The following ULK4 variants were observed in gnomAD, a reference collection of about 807,000 sequenced individuals.
ULK4 encodes inactive serine/threonine-protein kinase ULK4.
A neutral mutation model predicts 160.6 loss-of-function variants in ULK4; 133 were observed. The ratio of observed to expected loss-of-function variants is 0.83; its 90% confidence interval spans 0.72 to 0.96. The LOEUF (loss-of-function observed/expected upper bound fraction) is 0.96, where lower values mean the gene tolerates loss of function less well. ULK4 is among the 40% of genes least tolerant of loss of function. ULK4 has a pLI of 0.00. For missense variants in ULK4, 1,580 were observed against 1,499.5 expected (o/e 1.05, Z -0.89); for synonymous variants, 534 against 539.8 (o/e 0.99, Z 0.15).
chr3:41,325,135 T>TAAA (rs1044407939), intron 35 of ULK4, among the ~76,000 whole-genome samples: 1 of 152,150 alleles, frequency 6.6e-6, no homozygotes, highest in African/African-American at 2.4e-5. Flanking sequence ...TGTTTTTCAT[T>TAAA]AAAGTACAGC....
intron 35 of ULK4, among the ~76,000 whole-genome samples, chr3:41,250,093 T>C (rs1197724872): frequency 6.6e-6 from 1 of 152,122 alleles, no homozygotes; most frequent in South Asian, 2.1e-4. Flanking sequence ...GCCACAGTCC[T>C]ATGAGAAAAA....
intron 31 of ULK4, among the ~76,000 whole-genome samples, chr3:41,584,149 T>C (rs987891493): frequency 2.0e-5 from 3 of 152,044 alleles, no homozygotes; most frequent in African/African-American, 4.8e-5. Context: ...GGAGAAGAGA[T>C]TGGGAGAAGA....
rs1385368272 is a variant in ULK4, at chr3:41,246,783, TG to T, written c.*145del. The T allele has an allele frequency of 1.1e-6, 1 of 929,308 alleles. No individual in the cohort carries two copies. The highest frequency in any genetic ancestry group is 1.6e-6 in the Non-Finnish European group (1 of 621,354). The allele number at this position is 929,308 out of a possible 1,614,324, so 57.6% of individuals were successfully genotyped here. ...CTAGGCCCTGGGGTTAGTGAGCACT[TG>T]GGCCACCAGGTTCTGGGTTAAGCTG... On this transcript the variant is annotated 3_prime_UTR_variant, in exon 37 of 37. Transcript: ENST00000301831.
At chr3:41,485,093 C>T (rs945130287) in intron 32 of ULK4, among the ~76,000 whole-genome samples, 7 of 152,164 alleles carry the variant, frequency 4.6e-5, no homozygotes, top group African/African-American at 1.7e-4. Context: ...ATATCTAAGG[C>T]ATATCCCTTC....
chr3:41,754,654 T>A (rs1188612934), intron 21 of ULK4, among the ~76,000 whole-genome samples, 166 bp from the exon 22 acceptor site: 1 of 152,204 alleles, frequency 6.6e-6, no homozygotes, highest in African/African-American at 2.4e-5. Flanking sequence ...TAAATTTTAA[T>A]ATTATCTCAT....
At chr3:41,930,181 T>C (rs1056892338) in intron 5 of ULK4, among the ~76,000 whole-genome samples, 3 of 151,698 alleles carry the variant, frequency 2.0e-5, no homozygotes, top group African/African-American at 7.3e-5. Context: ...GGAATAGAGA[T>C]CTACAACCAT....
At chr3:41,743,469 C>T (rs2038309039) in intron 22 of ULK4, among the ~76,000 whole-genome samples, 1 of 151,730 alleles carries the variant, frequency 6.6e-6, no homozygotes, top group South Asian at 2.1e-4. Flanking sequence ...AAAGAAAGTT[C>T]TCTAATCCTA....
intron 18 of ULK4, among the ~76,000 whole-genome samples, chr3:41,823,706 A>G (rs2041229949): frequency 6.6e-6 from 1 of 152,178 alleles, no homozygotes; most frequent in South Asian, 2.1e-4. Context: ...TATTGTACTC[A>G]AACTGACAAT....
intron 17 of ULK4, among the ~76,000 whole-genome samples, chr3:41,868,656 ATTTTTTTTGTAT>A (rs2125690926): frequency 1.5e-5 from 2 of 132,386 alleles, no homozygotes; most frequent in South Asian, 4.4e-4. Flanking sequence ...TATCCACCTA[ATTTTTTTTGTAT>A]TTTTTTTTTA....
chr3:41,427,399 T>A (rs9822227), intron 34 of ULK4, among the ~76,000 whole-genome samples: 66,831 of 151,984 alleles, frequency 0.44, 15,108 homozygotes, highest in African/African-American at 0.54. Flanking sequence ...AAAAGAAGGG[T>A]CTTCTCCCTA....
At chr3:41,802,471 T>A (rs1009396507) in intron 19 of ULK4, among the ~76,000 whole-genome samples, 4 of 152,070 alleles carry the variant, frequency 2.6e-5, no homozygotes, top group Non-Finnish European at 4.4e-5. Flanking sequence ...CAATTTTTTT[T>A]ATTTTTTAAC....
In ULK4 at chr3:41,420,475, C is replaced by CTTTTTTTTTTTTTTTTT. The variant is rs1165381982; in HGVS notation, c.3493-22228_3493-22212dup. On this transcript the variant is annotated intron_variant, in intron 34 of 36. Coordinates refer to ENST00000301831, the MANE Select transcript of ULK4 (RefSeq NM_017886.4). ...GGATTTTTCAGTTTTCCAGTTCTTTCTTTTTTTTTTTTTTTTTTTTTTTTT... is the reference window on the plus strand; with the variant it reads ...GGATTTTTCAGTTTTCCAGTTCTTTCTTTTTTTTTTTTTTTTTTTTTTTTTTTTTTTTTTTTTTTTTT... Among the ~76,000 whole-genome samples the CTTTTTTTTTTTTTTTTT allele has an allele frequency of 3.5e-3, 146 of 41,182 alleles. 24 individuals carry two copies. The highest frequency in any genetic ancestry group is 4.1e-3 in the African/African-American group (41 of 10,046). The allele number at this position is 41,182 out of a possible 152,430, so 27.0% of individuals were successfully genotyped here.
At chr3:41,498,880 C>T (rs2085090225) in intron 32 of ULK4, among the ~76,000 whole-genome samples, 1 of 152,120 alleles carries the variant, frequency 6.6e-6, no homozygotes, top group South Asian at 2.1e-4. Context: ...CAGGCGTGAG[C>T]CACTGTCTGG....
chr3:41,655,784 G>A (rs2034916799), intron 30 of ULK4, among the ~76,000 whole-genome samples: 1 of 151,830 alleles, frequency 6.6e-6, no homozygotes, highest in South Asian at 2.1e-4. Flanking sequence ...GCTAATTGAG[G>A]GTAAAAAACT....
intron 17 of ULK4, among the ~76,000 whole-genome samples, chr3:41,863,235 G>C (rs2042545203): frequency 6.6e-6 from 1 of 152,136 alleles, no homozygotes; most frequent in Non-Finnish European, 1.5e-5. Flanking sequence ...GCCACCACCA[G>C]GCCATGAGGA....
intron 21 of ULK4, among the ~76,000 whole-genome samples, chr3:41,775,765 T>C (rs975830090): frequency 6.6e-6 from 1 of 150,874 alleles, no homozygotes; most frequent in African/African-American, 2.5e-5. Flanking sequence ...ACATACGTTA[T>C]TATATCGCCC....
intron 21 of ULK4, among the ~76,000 whole-genome samples, chr3:41,760,672 T>C (rs1389359362): frequency 6.6e-6 from 1 of 152,204 alleles, no homozygotes; most frequent in Non-Finnish European, 1.5e-5. Context: ...CCTTATTTTA[T>C]ACAAGGTGTA....
At chr3:41,260,567 G>T (rs1235332770) in intron 35 of ULK4, among the ~76,000 whole-genome samples, 1 of 152,220 alleles carries the variant, frequency 6.6e-6, no homozygotes, top group Admixed American at 6.5e-5. Context: ...GTGAGGCCCT[G>T]TCCATGATTA....
intron 35 of ULK4, among the ~76,000 whole-genome samples, chr3:41,391,539 G>C (rs1167730123): frequency 6.6e-6 from 1 of 151,676 alleles, no homozygotes; most frequent in Non-Finnish European, 1.5e-5. Flanking sequence ...CTATCTAGTA[G>C]AAAGAGTGCC....
Sources: gnomAD v4.1 joint callset for allele counts (sites outside exome capture counted in the v4.1 genomes callset) on GRCh38, gnomAD v4.1.1 for gene constraint, MANE v1.5 for transcripts, NCBI Gene and HGNC (gene_info 2026-07-23, HGNC 2026-07-21) for gene names.